Variants in WWOX observed in about 807,000 individuals in gnomAD.
WWOX encodes the protein WW domain-containing oxidoreductase.
Under a neutral mutation model 46.2 loss-of-function variants are expected in WWOX, and 69 were observed. The observed-to-expected ratio is 1.49, with a 90% CI of 1.23 to 1.82. The LOEUF is 1.82. Among genes scored for constraint, WWOX ranks in the 40% most tolerant of loss-of-function variants. The probability of loss-of-function intolerance (pLI) is 0.00; values close to 1 mark genes in which losing one functional copy is unlikely to be tolerated. For missense variants in WWOX, 919 were observed against 542.6 expected (o/e 1.69, Z -6.89); for synonymous variants, 359 against 202.6 (o/e 1.77, Z -6.56).
chr16:78,754,442 C>T (rs1259333963), intron 8 of WWOX, among the ~76,000 whole-genome samples: 2 of 152,112 alleles, frequency 1.3e-5, no homozygotes, highest in Admixed American at 6.5e-5. Flanking sequence ...GAGTTTGGCA[C>T]CGGATTTGAA....
chr16:78,171,422 A>C (rs930653240), intron 5 of WWOX, among the ~76,000 whole-genome samples: 1 of 151,980 alleles, frequency 6.6e-6, no homozygotes, highest in Admixed American at 6.6e-5. Flanking sequence ...AAGTCCCATG[A>C]TTTGCCTTTG....
chr16:78,770,364 A>G (rs1597581381), intron 8 of WWOX, among the ~76,000 whole-genome samples: 1 of 151,910 alleles, frequency 6.6e-6, no homozygotes, highest in African/African-American at 2.4e-5. Flanking sequence ...CAAAAAAAAA[A>G]TTTAACTCTA....
intron 8 of WWOX, among the ~76,000 whole-genome samples, chr16:78,992,832 G>T (rs1281538749): frequency 6.6e-6 from 1 of 152,030 alleles, no homozygotes; most frequent in East Asian, 1.9e-4. Flanking sequence ...TGCTAAGTTG[G>T]CTTTCTCCCC....
At chr16:78,882,827 TAA>T (rs75984932) in intron 8 of WWOX, among the ~76,000 whole-genome samples, 10 of 143,322 alleles carry the variant, frequency 7.0e-5, no homozygotes, top group East Asian at 2.0e-4. Context: ...TGCCACCATT[TAA>T]AAAAAAAAAA....
At chr16:79,051,283 C>T (rs947564456) in intron 8 of WWOX, among the ~76,000 whole-genome samples, 8 of 152,252 alleles carry the variant, frequency 5.3e-5, no homozygotes, top group Admixed American at 2.0e-4. Context: ...TTGCATCATG[C>T]GCAGGAGACC....
intron 8 of WWOX, among the ~76,000 whole-genome samples, chr16:78,940,377 G>A (rs911535082): frequency 2.6e-5 from 4 of 152,156 alleles, no homozygotes; most frequent in Admixed American, 2.6e-4. Flanking sequence ...TTTTAATGGG[G>A]TTACTTCCCA....
chr16:78,192,620 G>A (rs1347462186), intron 5 of WWOX, among the ~76,000 whole-genome samples: 2 of 151,974 alleles, frequency 1.3e-5, no homozygotes, highest in Non-Finnish European at 2.9e-5. Flanking sequence ...ACTTTGTAAT[G>A]TTACTGGTGT....
chr16:78,270,380 A>G (rs1419736074), intron 5 of WWOX: 1 of 152,206 alleles, frequency 6.6e-6, no homozygotes, highest in Non-Finnish European at 1.5e-5. Context: ...TCTTTCCAGT[A>G]TAATAAAGAC....
chr16:78,653,753 G>A (rs889437214), intron 8 of WWOX, among the ~76,000 whole-genome samples: 1 of 152,212 alleles, frequency 6.6e-6, no homozygotes, highest in African/African-American at 2.4e-5. Context: ...ACCTCCACTG[G>A]TCATGAAATA....
At chr16:79,171,856 A>G (rs1040395603) in intron 8 of WWOX, among the ~76,000 whole-genome samples, 1 of 152,220 alleles carries the variant, frequency 6.6e-6, no homozygotes, top group African/African-American at 2.4e-5. Context: ...AATTACCAAA[A>G]CAAATATGAT....
chr16:78,990,264 C>G (rs1479802662), intron 8 of WWOX, among the ~76,000 whole-genome samples: 3 of 151,704 alleles, frequency 2.0e-5, no homozygotes, highest in South Asian at 4.2e-4. Flanking sequence ...TCCCCCCATG[C>G]TTTGTAATTG....
At chr16:78,991,183 T>G (rs11644520) in intron 8 of WWOX, among the ~76,000 whole-genome samples, 5 of 152,068 alleles carry the variant, frequency 3.3e-5, no homozygotes, top group African/African-American at 1.2e-4. Flanking sequence ...AAGAAGAAAT[T>G]TGGAGAAATT....
chr16:78,606,730 T>G (rs1218772592), intron 8 of WWOX, among the ~76,000 whole-genome samples: 2 of 150,526 alleles, frequency 1.3e-5, no homozygotes, highest in Admixed American at 6.6e-5. Context: ...TTTTTTTTTT[T>G]TTTTTTTTTT....
intron 8 of WWOX, among the ~76,000 whole-genome samples, chr16:78,836,964 G>A (rs922146615): frequency 6.6e-6 from 1 of 152,132 alleles, no homozygotes; most frequent in Non-Finnish European, 1.5e-5. Flanking sequence ...TGCAGCAGAA[G>A]AGAGAAACAG....
At chr16:78,746,779 C>A (rs889023962) in intron 8 of WWOX, among the ~76,000 whole-genome samples, 2 of 152,062 alleles carry the variant, frequency 1.3e-5, no homozygotes, top group Non-Finnish European at 2.9e-5. Context: ...CCATTTTCAG[C>A]AAACCCAGTC....
At chr16:78,735,493 T>A (rs998995276) in intron 8 of WWOX, among the ~76,000 whole-genome samples, 3 of 152,096 alleles carry the variant, frequency 2.0e-5, no homozygotes, top group Non-Finnish European at 4.4e-5. Context: ...TTGACGTGCT[T>A]GAACTCGAGG....
rs187306297 is a variant in WWOX at position 78,955,508 on chromosome 16, C to A, written c.1057-256100C>A. On this transcript the variant is annotated intron_variant, in intron 8 of 8. Transcript: ENST00000566780. ...AACTAGGATGGCGCGAAGTTCACCT[C>A]GTGTAAGCACACCAGGCTGCAGGGA... 7.4e-4 allele frequency among the ~76,000 whole-genome samples: 112 copies of A among 152,234 alleles called. 1 individual carries two copies. Among genetic ancestry groups the A allele is most frequent in the Admixed American group, 7.3e-3 (112 of 15,288 alleles).
At chr16:79,023,487 C>G (rs2047576028) in intron 8 of WWOX, among the ~76,000 whole-genome samples, 2 of 152,134 alleles carry the variant, frequency 1.3e-5, no homozygotes, top group Admixed American at 6.5e-5. Flanking sequence ...TACATCCAGG[C>G]TGATTACTGG....
intron 8 of WWOX, among the ~76,000 whole-genome samples, chr16:78,745,263 T>TAA (rs2049321699): frequency 6.6e-6 from 1 of 152,232 alleles, no homozygotes; most frequent in Admixed American, 6.5e-5. Context: ...CATTTGAATC[T>TAA]TTCAGCAAGC....
Sources: gnomAD v4.1 joint callset for allele counts (sites outside exome capture counted in the v4.1 genomes callset) on GRCh38, gnomAD v4.1.1 for gene constraint, MANE v1.5 for transcripts, NCBI Gene and HGNC (gene_info 2026-07-23, HGNC 2026-07-21) for gene names.